Variants in PDE1C observed in about 807,000 individuals in gnomAD.
PDE1C encodes the protein dual specificity calcium/calmodulin-dependent 3',5'-cyclic nucleotide phosphodiesterase 1C.
A neutral mutation model predicts 93.1 loss-of-function variants in PDE1C; 62 were observed. The ratio of observed to expected loss-of-function variants is 0.67; its 90% confidence interval spans 0.54 to 0.82. PDE1C has a LOEUF of 0.82. Among genes scored for constraint, PDE1C ranks in the 40% least tolerant of loss-of-function variants. The pLI is 0.00. For synonymous variants in PDE1C, 325 were observed against 310.1 expected, an observed-to-expected ratio of 1.05 and a Z score of -0.50; for missense variants, 742 against 884.6, an observed-to-expected ratio of 0.84 and a Z score of 2.04.
chr7:32,271,642 T>A (rs1810971773), intron 1 of PDE1C, among the ~76,000 whole-genome samples: 1 of 152,164 alleles, frequency 6.6e-6, no homozygotes. Context: ...AAGAACTTAT[T>A]GACAAACAGA....
chr7:31,729,543 C>T, the PDE1C span, among the ~76,000 whole-genome samples: 20 of 152,186 alleles, frequency 1.3e-4, no homozygotes, highest in Non-Finnish European at 2.6e-4. Flanking sequence ...TACCTGCTGA[C>T]TCTGAATCTA....
chr7:31,832,672 T>C (rs1399702631), intron 11 of PDE1C, among the ~76,000 whole-genome samples: 2 of 152,190 alleles, frequency 1.3e-5, no homozygotes, highest in African/African-American at 4.8e-5. Context: ...TAAAAATAAT[T>C]TACTGAATTT....
At chr7:31,911,607 G>A (rs73686819) in intron 2 of PDE1C, among the ~76,000 whole-genome samples, 1,752 of 152,266 alleles carry the variant, frequency 0.012, 28 homozygotes, top group African/African-American at 0.04. Context: ...CATGAGATGT[G>A]CAGCCTGGGA....
At chr7:32,305,470 G>C (rs1373482542) in intron 1 of PDE1C, among the ~76,000 whole-genome samples, 1 of 152,162 alleles carries the variant, frequency 6.6e-6, no homozygotes, top group Non-Finnish European at 1.5e-5. Flanking sequence ...TTCTAGCCCA[G>C]ATCACTAAGC....
At chr7:32,206,530 T>TC (rs1182664169) in intron 2 of PDE1C, among the ~76,000 whole-genome samples, 1 of 152,096 alleles carries the variant, frequency 6.6e-6, no homozygotes, top group Non-Finnish European at 1.5e-5. Context: ...ATCCCAGAAG[T>TC]CCCCAATGTC....
Position 32,411,279 on chromosome 7 carries a change from C to T in PDE1C, c.310+16543G>A, listed in dbSNP as rs919720. ...AGAGTCATGCGTCACTTAATAACAGCGATTAGGCGATTTCATTATTGCATG... is the reference window on the plus strand; with the variant it reads ...AGAGTCATGCGTCACTTAATAACAGTGATTAGGCGATTTCATTATTGCATG... On this transcript the variant is annotated intron_variant, in intron 1 of 1. Transcript: ENST00000672256. 5.3e-5 allele frequency among the ~76,000 whole-genome samples: 8 copies of T among 152,154 alleles called. No individual in the cohort carries two copies. In the South Asian group the frequency reaches 1.7e-3, roughly 32 times the overall value.
upstream of PDE1C, chr7:32,071,417 A>C (rs1796048275): frequency 1.0e-6 from 1 of 984,440 alleles, no homozygotes; most frequent in African/African-American, 1.8e-5. Flanking sequence ...ACACTCAAAA[A>C]CTCTTGATGT....
At chr7:32,270,412 T>C (rs1478915675) in intron 1 of PDE1C, among the ~76,000 whole-genome samples, 1 of 152,012 alleles carries the variant, frequency 6.6e-6, no homozygotes, top group Non-Finnish European at 1.5e-5. Context: ...TAAGAATATA[T>C]ATACACAATC....
intron 3 of PDE1C, among the ~76,000 whole-genome samples, chr7:32,108,275 A>G (rs978363360): frequency 1.3e-5 from 2 of 151,070 alleles, no homozygotes; most frequent in Non-Finnish European, 3.0e-5. Flanking sequence ...GTTGTCCACA[A>G]CAACAAAAAC....
chr7:32,345,423 A>G (rs1323669171), intron 1 of PDE1C, among the ~76,000 whole-genome samples: 2 of 152,180 alleles, frequency 1.3e-5, no homozygotes, highest in Non-Finnish European at 2.9e-5. Context: ...GTGGCTTCCA[A>G]TTTCTTCCTT....
chr7:32,086,050 G>C (rs1797050379), intron 3 of PDE1C, among the ~76,000 whole-genome samples: 1 of 151,760 alleles, frequency 6.6e-6, no homozygotes, highest in South Asian at 2.1e-4. Flanking sequence ...ATTAGGAAAA[G>C]AGGAAGTCAA....
At chr7:31,763,749 T>C (rs1333140848) in intron 17 of PDE1C, among the ~76,000 whole-genome samples, 1 of 152,146 alleles carries the variant, frequency 6.6e-6, no homozygotes, top group African/African-American at 2.4e-5. Context: ...CAAAAGGTCA[T>C]CATTGCTGCC....
At chr7:31,690,948 G>A in the PDE1C span, among the ~76,000 whole-genome samples, 1 of 152,138 alleles carries the variant, frequency 6.6e-6, no homozygotes. Context: ...CTGAAGAGGA[G>A]GAAAATTGGT....
chr7:31,952,395 A>G (rs779853141), intron 2 of PDE1C, among the ~76,000 whole-genome samples: 3 of 152,070 alleles, frequency 2.0e-5, no homozygotes, highest in Non-Finnish European at 2.9e-5. Context: ...GATTACAGGC[A>G]TAAGCTACCA....
intron 17 of PDE1C, among the ~76,000 whole-genome samples, chr7:31,755,110 G>A (rs561569951): frequency 6.6e-6 from 1 of 152,052 alleles, no homozygotes; most frequent in Non-Finnish European, 1.5e-5. Flanking sequence ...TTTCCCATGG[G>A]GCTATTGGTT....
At chr7:31,862,150 A>C (rs1197525613) in intron 7 of PDE1C, among the ~76,000 whole-genome samples, 1 of 152,212 alleles carries the variant, frequency 6.6e-6, no homozygotes, top group Non-Finnish European at 1.5e-5. Context: ...TACTATCTCC[A>C]GAGAGAGTCC....
chr7:31,814,905 A>T (rs938475512), intron 15 of PDE1C, among the ~76,000 whole-genome samples: 21 of 151,826 alleles, frequency 1.4e-4, no homozygotes, highest in Non-Finnish European at 3.1e-4. Context: ...AGGTCTGTTG[A>T]CTGCTAAATT....
chr7:31,625,141 G>A, the PDE1C span, among the ~76,000 whole-genome samples: 1 of 152,124 alleles, frequency 6.6e-6, no homozygotes, highest in African/African-American at 2.4e-5. Context: ...TGGAGAGGAT[G>A]TGGAGAAATA....
chr7:32,320,365 G>A (rs753001124), intron 1 of PDE1C, among the ~76,000 whole-genome samples: 8 of 152,124 alleles, frequency 5.3e-5, no homozygotes, highest in South Asian at 2.1e-4. Flanking sequence ...TGTGGGAGGA[G>A]TGGGAGGAGG....
Sources: allele counts gnomAD v4.1 joint callset (sites outside exome capture counted in the v4.1 genomes callset), GRCh38; gene constraint gnomAD v4.1.1; transcripts MANE v1.5; gene names NCBI Gene and HGNC (gene_info 2026-07-23, HGNC 2026-07-21).